The following FBXL17 variants were observed in gnomAD, a reference collection of about 807,000 sequenced individuals.
The protein encoded by FBXL17 is F-box and leucine rich repeat protein 17, also known as F-box/LRR-repeat protein 17.
Under a neutral mutation model 66.2 loss-of-function variants are expected in FBXL17, and 22 were observed. The observed-to-expected ratio is 0.33, with a 90% CI of 0.24 to 0.47. FBXL17 has a LOEUF of 0.47. Among genes scored for constraint, FBXL17 ranks in the 20% least tolerant of loss-of-function variants. The pLI is 1.00. For synonymous variants in FBXL17, 474 were observed against 400.5 expected, an observed-to-expected ratio of 1.18 and a Z score of -2.19; for missense variants, 878 against 948.2, an observed-to-expected ratio of 0.93 and a Z score of 0.97.
At chr5:108,040,364 T>C (rs1746999321) in intron 6 of FBXL17, among the ~76,000 whole-genome samples, 2 of 152,176 alleles carry the variant, frequency 1.3e-5, no homozygotes, top group Admixed American at 1.3e-4. Flanking sequence ...TAGCATTATT[T>C]ATTCCTTAAT....
intron 5 of FBXL17, among the ~76,000 whole-genome samples, chr5:108,205,861 C>T (rs765955034): frequency 2.0e-4 from 30 of 152,136 alleles, no homozygotes; most frequent in Non-Finnish European, 3.2e-4. Flanking sequence ...CTCAGCCTTC[C>T]GAGTAGATGG....
intron 6 of FBXL17, among the ~76,000 whole-genome samples, chr5:108,127,804 GAATT>G (rs1244910054): frequency 6.6e-6 from 1 of 152,090 alleles, no homozygotes; most frequent in Non-Finnish European, 1.5e-5. Context: ...CATGAATTAA[GAATT>G]AATTTTTTAA....
intron 3 of FBXL17, among the ~76,000 whole-genome samples, chr5:108,363,184 T>C (rs1323310517): frequency 3.3e-5 from 5 of 152,046 alleles, no homozygotes; most frequent in Admixed American, 2.6e-4. Flanking sequence ...TTTAACATAA[T>C]AGTATAGAAC....
chr5:107,916,329 A>G (rs555263602), intron 7 of FBXL17, among the ~76,000 whole-genome samples: 64 of 152,330 alleles, frequency 4.2e-4, no homozygotes, highest in African/African-American at 1.5e-3. Context: ...CTTTGTTGAG[A>G]CTAAAATCAC....
chr5:108,287,887 T>A lies in FBXL17; in HGVS notation c.1506+60512A>T, dbSNP rs149996173. On this transcript the variant is annotated intron_variant, in intron 4 of 8. Transcript: ENST00000542267. ...ACCTAAATACCCACTGATGGTAAAC[T>A]AGATAAAGAAAATGTGATACATATA... Among the ~76,000 whole-genome samples, 466 of 151,968 alleles carry A rather than the reference T, an allele frequency of 3.1e-3. 1 individual carries two copies. The highest frequency in any genetic ancestry group is 6.8e-3 in the Middle Eastern group (2 of 294).
chr5:108,020,526 A>G (rs903673323), intron 7 of FBXL17, among the ~76,000 whole-genome samples: 2 of 152,058 alleles, frequency 1.3e-5, no homozygotes, highest in African/African-American at 4.8e-5. Context: ...TTAGAATGTC[A>G]GCAGATATGC....
intron 6 of FBXL17, among the ~76,000 whole-genome samples, chr5:108,101,498 G>A (rs988822731): frequency 6.6e-6 from 1 of 152,222 alleles, no homozygotes; most frequent in Non-Finnish European, 1.5e-5. Context: ...CAAGTGTTTT[G>A]TATGCAGAAT....
intron 4 of FBXL17, chr5:108,299,160 A>C (rs1327012390): frequency 1.0e-6 from 1 of 981,192 alleles, no homozygotes; most frequent in Non-Finnish European, 1.2e-6. Flanking sequence ...AGATTCTATC[A>C]AGTTTGTTTT....
intron 3 of FBXL17, among the ~76,000 whole-genome samples, chr5:108,355,549 CTGGAAT>C (rs1313597172): frequency 6.6e-6 from 1 of 151,998 alleles, no homozygotes; most frequent in Non-Finnish European, 1.5e-5. Context: ...TCCCAAAGTG[CTGGAAT>C]TTCAGACATA....
chr5:108,323,727 A>G (rs1050285195), intron 4 of FBXL17, among the ~76,000 whole-genome samples: 3 of 152,058 alleles, frequency 2.0e-5, no homozygotes, highest in South Asian at 2.1e-4. Flanking sequence ...CAAAAAGCGT[A>G]GTGCTGGCAA....
Position 108,203,732 on chromosome 5 carries a change from G to T in FBXL17, c.1615-17485C>A, listed in dbSNP as rs115263481. Among the ~76,000 whole-genome samples, 646 of 152,234 alleles carry T rather than the reference G, an allele frequency of 4.2e-3. 2 individuals are homozygous for T. Among genetic ancestry groups the T allele is most frequent in the Non-Finnish European group, 5.6e-3 (383 of 67,996 alleles). ...AGTAAAACAGTGTGTTCTTTCTGTA[G>T]AGTAAGGCAATCTAAACCAATCGAT... On this transcript the variant is annotated intron_variant, in intron 5 of 8. Transcript: ENST00000542267.
intron 4 of FBXL17, among the ~76,000 whole-genome samples, chr5:108,293,729 C>T (rs982320252): frequency 2.0e-5 from 3 of 151,924 alleles, no homozygotes; most frequent in Admixed American, 1.3e-4. Context: ...TTATTAATAA[C>T]GAGGATCTCA....
chr5:108,342,622 A>T (rs1337701896), intron 4 of FBXL17, among the ~76,000 whole-genome samples: 1 of 152,170 alleles, frequency 6.6e-6, no homozygotes, highest in Non-Finnish European at 1.5e-5. Context: ...GGGCTAGAGA[A>T]GAGAAGTTTG....
chr5:108,186,587 TG>T (rs1753243674), intron 5 of FBXL17, among the ~76,000 whole-genome samples: 2 of 151,924 alleles, frequency 1.3e-5, no homozygotes, highest in African/African-American at 4.8e-5. Flanking sequence ...TTGGCCAACA[TG>T]GTGAAACCCC....
chr5:108,366,616 T>C (rs534713569), intron 2 of FBXL17, among the ~76,000 whole-genome samples: 65 of 152,114 alleles, frequency 4.3e-4, no homozygotes, highest in African/African-American at 1.5e-3. Flanking sequence ...CCTGAGTTCA[T>C]AATAAATAAC....
At chr5:107,907,336 T>G (rs1016841249) in intron 7 of FBXL17, among the ~76,000 whole-genome samples, 12 of 152,190 alleles carry the variant, frequency 7.9e-5, no homozygotes, top group African/African-American at 2.9e-4. Context: ...GCATCCTTTG[T>G]GCTTTTAGAA....
intron 7 of FBXL17, among the ~76,000 whole-genome samples, chr5:108,012,656 C>G (rs146866327): frequency 6.6e-6 from 1 of 152,116 alleles, no homozygotes; most frequent in Non-Finnish European, 1.5e-5. Flanking sequence ...TATAGTGTTA[C>G]GCACAAATTA....
intron 7 of FBXL17, among the ~76,000 whole-genome samples, chr5:107,957,081 T>C (rs1751691913): frequency 6.6e-6 from 1 of 152,210 alleles, no homozygotes; most frequent in Admixed American, 6.5e-5. Context: ...ATGGCTTCAC[T>C]GCTTTACTTA....
At chr5:108,248,593 A>T (rs1489215763) in intron 4 of FBXL17, among the ~76,000 whole-genome samples, 1 of 152,172 alleles carries the variant, frequency 6.6e-6, no homozygotes, top group Non-Finnish European at 1.5e-5. Flanking sequence ...TAAACCTACA[A>T]ATTCAAGATG....
Sources: allele counts gnomAD v4.1 joint callset (sites outside exome capture counted in the v4.1 genomes callset), GRCh38; gene constraint gnomAD v4.1.1; transcripts MANE v1.5; gene names NCBI Gene and HGNC (gene_info 2026-07-23, HGNC 2026-07-21).